The following ZSCAN5A variants were observed in gnomAD, a reference collection of about 807,000 sequenced individuals.
ZSCAN5A encodes zinc finger and SCAN domain containing 5A, also known as zinc finger and SCAN domain-containing protein 5A.
Under a neutral mutation model 23.7 loss-of-function variants are expected in ZSCAN5A, and 12 were observed. The observed-to-expected ratio is 0.51, with a 90% CI of 0.32 to 0.82. The LOEUF is 0.82. Among genes scored for constraint, ZSCAN5A ranks in the 40% least tolerant of loss-of-function variants. The probability of loss-of-function intolerance (pLI) is 0.03; values close to 1 mark genes in which losing one functional copy is unlikely to be tolerated. For synonymous variants in ZSCAN5A, 257 were observed against 239.9 expected (o/e 1.07, Z -0.66); for missense variants, 597 against 617.9 (o/e 0.97, Z 0.36).
chr19:56,324,977 CA>C (rs2041419473), intron 2 of ZSCAN5A, among the ~76,000 whole-genome samples: 1 of 152,142 alleles, frequency 6.6e-6, no homozygotes, highest in African/African-American at 2.4e-5. Flanking sequence ...TCATGTCAAA[CA>C]ACTCCTTACA....
chr19:56,308,248 G>A (rs113129897), intron 2 of ZSCAN5A, among the ~76,000 whole-genome samples: 1,569 of 152,090 alleles, frequency 0.01, 31 homozygotes, highest in African/African-American at 0.035. Flanking sequence ...TGGCCAGGAT[G>A]GTCTCGATCT....
intron 2 of ZSCAN5A, among the ~76,000 whole-genome samples, chr19:56,277,382 A>G (rs1440810209): frequency 6.6e-6 from 1 of 152,240 alleles, no homozygotes; most frequent in East Asian, 1.9e-4. Flanking sequence ...GATGCATTCA[A>G]CATCGTGTGT....
At chr19:56,294,913 T>C (rs529875949) in intron 2 of ZSCAN5A, among the ~76,000 whole-genome samples, 5 of 152,166 alleles carry the variant, frequency 3.3e-5, no homozygotes, top group African/African-American at 7.2e-5. Context: ...CTCTACGACA[T>C]GTCCACAGCA....
At chr19:56,278,007 G>A (rs2038392996) in intron 2 of ZSCAN5A, among the ~76,000 whole-genome samples, 1 of 151,852 alleles carries the variant, frequency 6.6e-6, no homozygotes, top group African/African-American at 2.4e-5. Flanking sequence ...TAGTAAGAAA[G>A]GTATTATTTT....
At chr19:56,251,862 C>G (rs75263862) in intron 2 of ZSCAN5A, among the ~76,000 whole-genome samples, 2,009 of 152,220 alleles carry the variant, frequency 0.013, 43 homozygotes, top group African/African-American at 0.043. Flanking sequence ...CACACCTGGG[C>G]AAGAATTGTT....
At chr19:56,362,870 C>CAA (rs569648990) in intron 2 of ZSCAN5A, among the ~76,000 whole-genome samples, 4 of 79,722 alleles carry the variant, frequency 5.0e-5, no homozygotes, top group Admixed American at 1.4e-4. Flanking sequence ...GACTCTGCCT[C>CAA]AAAAAAAAAA....
intron 2 of ZSCAN5A, among the ~76,000 whole-genome samples, chr19:56,337,503 AG>A (rs1415317678): frequency 2.0e-5 from 3 of 152,222 alleles, no homozygotes; most frequent in African/African-American, 7.2e-5. Context: ...TGACTAGGAA[AG>A]GGAATTCCCT....
intron 2 of ZSCAN5A, among the ~76,000 whole-genome samples, chr19:56,272,306 T>C (rs948782702): frequency 2.6e-5 from 4 of 152,212 alleles, no homozygotes; most frequent in South Asian, 4.1e-4. Context: ...GGCCGGACAG[T>C]AAATATTTTA....
At chr19:56,281,710 C>T (rs2038720563) in intron 2 of ZSCAN5A, 1 of 985,238 alleles carries the variant, frequency 1.0e-6, no homozygotes, top group Non-Finnish European at 1.2e-6. Context: ...TAAGTCATAT[C>T]TCCTTCTCCC....
intron 2 of ZSCAN5A, among the ~76,000 whole-genome samples, chr19:56,349,033 A>C (rs774483247): frequency 6.6e-6 from 1 of 152,226 alleles, no homozygotes; most frequent in Non-Finnish European, 1.5e-5. Context: ...GCCTCCAGCC[A>C]ATGAAAAGTT....
intron 2 of ZSCAN5A, among the ~76,000 whole-genome samples, chr19:56,242,497 T>A (rs2035507788): frequency 6.6e-6 from 1 of 152,198 alleles, no homozygotes; most frequent in African/African-American, 2.4e-5. Flanking sequence ...GCTGATTGTC[T>A]CCCTGGCTGT....
At chr19:56,276,870 A>T (rs1181189792) in intron 2 of ZSCAN5A, among the ~76,000 whole-genome samples, 1 of 152,036 alleles carries the variant, frequency 6.6e-6, no homozygotes, top group Non-Finnish European at 1.5e-5. Context: ...ACCTTATTGT[A>T]AATTCAAGGA....
chr19:56,292,261 A>AAAACATG (rs1292934929), intron 2 of ZSCAN5A, among the ~76,000 whole-genome samples: 2 of 152,194 alleles, frequency 1.3e-5, no homozygotes, highest in Non-Finnish European at 2.9e-5. Context: ...TAAAATATAC[A>AAAACATG]AAACATGAAA....
chr19:56,276,206 T>C (rs34397741), intron 2 of ZSCAN5A, among the ~76,000 whole-genome samples: 5 of 152,296 alleles, frequency 3.3e-5, no homozygotes, highest in Admixed American at 6.5e-5. Context: ...TGGGGAAGGG[T>C]GGCACTTGGA....
chr19:56,305,597 AT>A (rs2040631823), intron 2 of ZSCAN5A, among the ~76,000 whole-genome samples: 1 of 152,184 alleles, frequency 6.6e-6, no homozygotes, highest in South Asian at 2.1e-4. Flanking sequence ...TAGGAGTGGA[AT>A]TGCTAGGTCA....
chr19:56,244,216 C>T (rs772725876), intron 2 of ZSCAN5A: 4 of 1,607,328 alleles, frequency 2.5e-6, no homozygotes, highest in Middle Eastern at 1.6e-4. Context: ...AGTCGGACCC[C>T]ATCCAGGCTC....
chr19:56,226,047 G>A (rs952345203), intron 2 of ZSCAN5A, among the ~76,000 whole-genome samples: 22 of 152,254 alleles, frequency 1.4e-4, no homozygotes, highest in African/African-American at 5.3e-4. Flanking sequence ...GAGCCACTGA[G>A]TGATACTCTC....
chr19:56,331,073 A>C (rs569547291), intron 2 of ZSCAN5A, among the ~76,000 whole-genome samples: 1 of 152,054 alleles, frequency 6.6e-6, no homozygotes, highest in Non-Finnish European at 1.5e-5. Context: ...GTTCTTCACC[A>C]TTGTTTTTCT....
intron 2 of ZSCAN5A, among the ~76,000 whole-genome samples, chr19:56,304,296 T>G (rs949026003): frequency 3.3e-5 from 5 of 152,128 alleles, no homozygotes; most frequent in Non-Finnish European, 7.4e-5. Flanking sequence ...ACCAGGGAGA[T>G]GAGCCTGAGA....
Sources: gnomAD v4.1 joint callset for allele counts (sites outside exome capture counted in the v4.1 genomes callset) on GRCh38, gnomAD v4.1.1 for gene constraint, MANE v1.5 for transcripts, NCBI Gene and HGNC (gene_info 2026-07-23, HGNC 2026-07-21) for gene names.